The following ALK variants were observed in gnomAD, a reference collection of about 807,000 sequenced individuals.
ALK encodes ALK receptor tyrosine kinase.
A neutral mutation model predicts 163.1 loss-of-function variants in ALK; 74 were observed. The ratio of observed to expected loss-of-function variants is 0.45; its 90% CI spans 0.38 to 0.55. The LOEUF is 0.55. Among genes scored for constraint, ALK ranks in the 20% least tolerant of loss-of-function variants. The pLI, the probability that ALK is intolerant of heterozygous loss-of-function variation, is 0.00. For missense variants in ALK, 2,063 were observed against 2,105.3 expected (o/e 0.98, Z 0.39); for synonymous variants, 960 against 843.2 (o/e 1.14, Z -2.40).
At chr2:29,434,498 C>T (rs1670352407) in intron 4 of ALK, among the ~76,000 whole-genome samples, 1 of 152,176 alleles carries the variant, frequency 6.6e-6, no homozygotes, top group South Asian at 2.1e-4. Context: ...ATAATGTGTT[C>T]CTTTTTGAAT....
intron 4 of ALK, among the ~76,000 whole-genome samples, chr2:29,491,744 G>A (rs1380462304): frequency 6.6e-6 from 1 of 152,166 alleles, no homozygotes; most frequent in African/African-American, 2.4e-5. Context: ...TGACAAATTA[G>A]TTAGTGCCAG....
At chr2:29,587,273 T>TGA (rs141238142) in intron 3 of ALK, among the ~76,000 whole-genome samples, 7,863 of 152,370 alleles carry the variant, frequency 0.052, 270 homozygotes, top group Non-Finnish European at 0.077. Context: ...CAGCTTCACT[T>TGA]CTTCCTTTGA....
At chr2:29,486,904 TG>T (rs1671786870) in intron 4 of ALK, among the ~76,000 whole-genome samples, 1 of 152,206 alleles carries the variant, frequency 6.6e-6, no homozygotes, top group Non-Finnish European at 1.5e-5. Context: ...TTTAATTTAA[TG>T]GAAAAAAATA....
intron 5 of ALK, among the ~76,000 whole-genome samples, chr2:29,376,987 G>C (rs1055434372): frequency 6.6e-6 from 1 of 152,164 alleles, no homozygotes; most frequent in African/African-American, 2.4e-5. Context: ...ATTTATACTA[G>C]CTACATATCC....
intron 1 of ALK, among the ~76,000 whole-genome samples, chr2:29,817,842 C>A (rs895023342): frequency 8.5e-5 from 13 of 152,144 alleles, no homozygotes; most frequent in Non-Finnish European, 1.5e-4. Flanking sequence ...GAGCTGGAGG[C>A]CTTAACTTGG....
intron 1 of ALK, among the ~76,000 whole-genome samples, chr2:29,844,452 T>C (rs1205639954): frequency 6.6e-6 from 1 of 152,152 alleles, no homozygotes; most frequent in Non-Finnish European, 1.5e-5. Context: ...AAGGAACAGT[T>C]ATTAACCATA....
At chr2:29,516,428 G>A (rs905517893) in intron 4 of ALK, among the ~76,000 whole-genome samples, 4 of 152,202 alleles carry the variant, frequency 2.6e-5, no homozygotes, top group Non-Finnish European at 5.9e-5. Context: ...CTGAACGAAG[G>A]GGGTCCACTG....
intron 1 of ALK, among the ~76,000 whole-genome samples, chr2:29,723,325 T>C (rs749536601): frequency 8.5e-5 from 13 of 152,204 alleles, no homozygotes; most frequent in South Asian, 2.1e-4. Context: ...CAGAGGTACA[T>C]GGCCACTCCC....
At chr2:29,221,633 C>T (rs77007559) in intron 22 of ALK, among the ~76,000 whole-genome samples, 2,083 of 152,274 alleles carry the variant, frequency 0.014, 42 homozygotes, top group African/African-American at 0.047. Flanking sequence ...GTGTGTCCTC[C>T]TGTGGTTCCA....
At chr2:29,627,020 G>C (rs1314800898) in intron 3 of ALK, among the ~76,000 whole-genome samples, 1 of 152,110 alleles carries the variant, frequency 6.6e-6, no homozygotes, top group Non-Finnish European at 1.5e-5. Context: ...CTTGCTTCTA[G>C]GAGCCTGGTT....
At chr2:29,790,297 T>C (rs1384946206) in intron 1 of ALK, among the ~76,000 whole-genome samples, 1 of 152,132 alleles carries the variant, frequency 6.6e-6, no homozygotes, top group African/African-American at 2.4e-5. Context: ...GGGCTGCTCA[T>C]GTTAAGACCA....
chr2:29,858,044 T>G (rs1666188366), intron 1 of ALK, among the ~76,000 whole-genome samples: 1 of 87,794 alleles, frequency 1.1e-5, no homozygotes. Flanking sequence ...TGCATTGGTG[T>G]GTATGTGTGT....
chr2:29,847,860 G>A (rs1665885651), intron 1 of ALK, among the ~76,000 whole-genome samples: 1 of 151,770 alleles, frequency 6.6e-6, no homozygotes, highest in Non-Finnish European at 1.5e-5. Context: ...GAGGGAAGAT[G>A]AAGCAAAGGA....
chr2:29,469,686 C>T (rs560334318), intron 4 of ALK, among the ~76,000 whole-genome samples: 148 of 152,300 alleles, frequency 9.7e-4, no homozygotes, highest in African/African-American at 2.9e-3. Context: ...AGCCTCCCAA[C>T]GAGTTTTTAA....
intron 1 of ALK, among the ~76,000 whole-genome samples, chr2:29,726,030 C>T (rs142061396): frequency 5.5e-4 from 83 of 152,230 alleles, no homozygotes; most frequent in Non-Finnish European, 7.9e-4. Flanking sequence ...GGTCACTGGC[C>T]CTACCTAACT....
At chr2:29,212,289 G>A (rs978369654) in intron 24 of ALK, among the ~76,000 whole-genome samples, 14 of 152,182 alleles carry the variant, frequency 9.2e-5, no homozygotes, top group African/African-American at 3.4e-4. Context: ...ACTGAGCAAT[G>A]GAATGGCAAA....
At chr2:29,548,408 A>G (rs7567482) in intron 3 of ALK, among the ~76,000 whole-genome samples, 142,803 of 151,690 alleles carry the variant, frequency 0.94, 67,547 homozygotes, top group Non-Finnish European at 0.99. Flanking sequence ...GGAAGGTGGA[A>G]GTTGCAGTGA....
intron 3 of ALK, among the ~76,000 whole-genome samples, chr2:29,598,201 T>C (rs1226458061): frequency 6.6e-6 from 1 of 152,182 alleles, no homozygotes; most frequent in Non-Finnish European, 1.5e-5. Context: ...AATTTTTGTA[T>C]TTTTAGTAGA....
At chr2:29,787,610 G>A (rs149386161) in intron 1 of ALK, among the ~76,000 whole-genome samples, 8 of 152,236 alleles carry the variant, frequency 5.3e-5, no homozygotes, top group African/African-American at 9.6e-5. Flanking sequence ...TGATACATTC[G>A]TGGGTCAGAT....
Sources: allele counts gnomAD v4.1 joint callset (sites outside exome capture counted in the v4.1 genomes callset), GRCh38; gene constraint gnomAD v4.1.1; transcripts MANE v1.5; gene names NCBI Gene and HGNC (gene_info 2026-07-23, HGNC 2026-07-21).